The following RAB3C variants were observed in gnomAD, a reference collection of about 807,000 sequenced individuals.
RAB3C encodes ras-related protein Rab-3C.
A neutral mutation model predicts 26.4 loss-of-function variants in RAB3C; 17 were observed. The observed-to-expected ratio is 0.64, with a 90% CI of 0.44 to 0.97. The LOEUF (loss-of-function observed/expected upper bound fraction) is 0.97, where lower values mean the gene tolerates loss of function less well. RAB3C is among the 50% of genes least tolerant of loss of function. The pLI is 0.00. For missense variants in RAB3C, 242 were observed against 281.9 expected (o/e 0.86, Z 1.01); for synonymous variants, 91 against 95.9 (o/e 0.95, Z 0.30).
intron 3 of RAB3C, among the ~76,000 whole-genome samples, chr5:58,745,920 A>AAATG (rs556341373): frequency 8.8e-4 from 134 of 152,160 alleles, no homozygotes; most frequent in African/African-American, 2.9e-3. Context: ...TTCAGTTGAC[A>AAATG]AATGAATGAA....
At chr5:58,611,910 T>A (rs1228592436) in intron 1 of RAB3C, among the ~76,000 whole-genome samples, 3 of 152,030 alleles carry the variant, frequency 2.0e-5, no homozygotes, top group Admixed American at 1.3e-4. Context: ...TTTTTGTATA[T>A]CGTGTAAGGA....
chr5:58,620,309 G>T (rs897299807), intron 2 of RAB3C, among the ~76,000 whole-genome samples: 1 of 152,026 alleles, frequency 6.6e-6, no homozygotes, highest in South Asian at 2.1e-4. Flanking sequence ...AGCTCTTAAG[G>T]CACATCTGAT....
chr5:58,790,204 A>AT (rs1439340828), intron 3 of RAB3C, among the ~76,000 whole-genome samples: 2 of 152,166 alleles, frequency 1.3e-5, no homozygotes, highest in African/African-American at 4.8e-5. Flanking sequence ...CCTATATGAT[A>AT]TTTTTTAATG....
At chr5:58,736,941 G>A (rs190389006) in intron 3 of RAB3C, among the ~76,000 whole-genome samples, 1 of 152,222 alleles carries the variant, frequency 6.6e-6, no homozygotes, top group African/African-American at 2.4e-5. Context: ...AGCAGCTGGA[G>A]TGAGCTTTTA....
At chr5:58,624,082 T>C (rs976463001) in intron 2 of RAB3C, among the ~76,000 whole-genome samples, 1 of 152,218 alleles carries the variant, frequency 6.6e-6, no homozygotes, top group Non-Finnish European at 1.5e-5. Context: ...ATTCAGACTT[T>C]TGTATTCAAT....
chr5:58,804,604 A>C (rs1056892857), intron 3 of RAB3C, among the ~76,000 whole-genome samples: 1 of 152,144 alleles, frequency 6.6e-6, no homozygotes, highest in South Asian at 2.1e-4. Flanking sequence ...AAAGAATGTT[A>C]ATATAAAGCT....
intron 3 of RAB3C, among the ~76,000 whole-genome samples, chr5:58,770,761 C>A (rs926548544): frequency 6.6e-6 from 1 of 152,004 alleles, no homozygotes; most frequent in Non-Finnish European, 1.5e-5. Flanking sequence ...TATTAATTAT[C>A]ATAATTAGTC....
At chr5:58,631,003 G>A (rs1175934184) in intron 2 of RAB3C, among the ~76,000 whole-genome samples, 2 of 152,210 alleles carry the variant, frequency 1.3e-5, no homozygotes, top group Non-Finnish European at 1.5e-5. Context: ...GGCTCAGGAC[G>A]AAGAGTGCAG....
At chr5:58,819,893 G>A (rs1458036652) in intron 3 of RAB3C, among the ~76,000 whole-genome samples, 1 of 152,106 alleles carries the variant, frequency 6.6e-6, no homozygotes, top group African/African-American at 2.4e-5. Flanking sequence ...ATTGAGATAT[G>A]CCTTTTCATC....
chr5:58,673,538 G>A (rs1748166103), intron 2 of RAB3C, among the ~76,000 whole-genome samples: 1 of 151,442 alleles, frequency 6.6e-6, no homozygotes, highest in South Asian at 2.1e-4. Flanking sequence ...AGGCTTGACT[G>A]TTCCCATTTT....
At chr5:58,618,478 C>T (rs1002555703) in intron 2 of RAB3C, among the ~76,000 whole-genome samples, 1 of 152,086 alleles carries the variant, frequency 6.6e-6, no homozygotes, top group Non-Finnish European at 1.5e-5. Context: ...CAGGGTCTTT[C>T]CAAAGTAGAA....
intron 2 of RAB3C, among the ~76,000 whole-genome samples, chr5:58,623,585 A>C (rs1340437517): frequency 6.6e-6 from 1 of 152,230 alleles, no homozygotes; most frequent in Non-Finnish European, 1.5e-5. Flanking sequence ...ACTGTGTCTG[A>C]AATGTCAAGA....
chr5:58,780,372 G>A (rs60782371), intron 3 of RAB3C, among the ~76,000 whole-genome samples: 2,143 of 152,262 alleles, frequency 0.014, 49 homozygotes, highest in African/African-American at 0.049. Flanking sequence ...AACGCTGAAA[G>A]ATAATAGGAG....
At chr5:58,732,099 G>T (rs1388276566) in intron 3 of RAB3C, among the ~76,000 whole-genome samples, 38 of 145,178 alleles carry the variant, frequency 2.6e-4, no homozygotes, top group East Asian at 1.0e-3. Flanking sequence ...TTTCTGTTTT[G>T]TTTTTTTTTT....
chr5:58,699,260 CTGCAGAACAGCAAATAT>C (rs369392410), intron 2 of RAB3C, among the ~76,000 whole-genome samples: 21,122 of 151,750 alleles, frequency 0.14, 1,919 homozygotes, highest in Non-Finnish European at 0.2. Context: ...TCAGCAGAGG[CTGCAGAACAGCAAATAT>C]TGCAGAACAG....
intron 1 of RAB3C, among the ~76,000 whole-genome samples, chr5:58,608,301 CAGAATCTACAA>C (rs1256326936): frequency 4.0e-5 from 6 of 151,892 alleles, no homozygotes; most frequent in African/African-American, 9.7e-5. Context: ...GGCTAATATC[CAGAATCTACAA>C]AGAATCTACA....
At chr5:58,669,613 C>T (rs1210442811) in intron 2 of RAB3C, among the ~76,000 whole-genome samples, 1 of 152,126 alleles carries the variant, frequency 6.6e-6, no homozygotes, top group Non-Finnish European at 1.5e-5. Context: ...GATCACATGC[C>T]GGCTCCACTA....
At chr5:58,777,051 C>T (rs140745548) in intron 3 of RAB3C, among the ~76,000 whole-genome samples, 33 of 152,274 alleles carry the variant, frequency 2.2e-4, no homozygotes, top group African/African-American at 7.2e-4. Flanking sequence ...GCTACTGAGT[C>T]TTCCAAAATA....
chr5:58,585,612 T>C (rs1561256028), intron 1 of RAB3C, among the ~76,000 whole-genome samples: 3 of 152,074 alleles, frequency 2.0e-5, no homozygotes, highest in Admixed American at 6.5e-5. Flanking sequence ...CCCAATTTAC[T>C]TCTTGTATTT....
Sources: allele counts gnomAD v4.1 joint callset (sites outside exome capture counted in the v4.1 genomes callset), GRCh38; gene constraint gnomAD v4.1.1; transcripts MANE v1.5; gene names NCBI Gene and HGNC (gene_info 2026-07-23, HGNC 2026-07-21).